The following DNAH5 variants were observed in gnomAD, a reference collection of about 807,000 sequenced individuals.
The protein encoded by DNAH5 is axonemal beta dynein heavy chain 5.
DNAH5 carries 372 observed loss-of-function variants against 518.2 expected under a neutral mutation model. The ratio of observed to expected loss-of-function variants is 0.72; its 90% CI spans 0.66 to 0.78. The LOEUF (loss-of-function observed/expected upper bound fraction) is 0.78. DNAH5 is among the 30% of genes least tolerant of loss of function. The pLI is 0.00. For synonymous variants in DNAH5, 2,039 were observed against 2,025.9 expected (o/e 1.01, Z -0.17); for missense variants, 5,523 against 5,687.0 (o/e 0.97, Z 0.93).
intron 68 of DNAH5, among the ~76,000 whole-genome samples, chr5:13,732,533 A>AT (rs552074864): frequency 1.3e-5 from 2 of 151,694 alleles, no homozygotes; most frequent in East Asian, 1.9e-4. Flanking sequence ...CTCCTGGCTA[A>AT]TTTTTTTTGT....
intron 75 of DNAH5, among the ~76,000 whole-genome samples, chr5:13,714,151 T>G (rs1422934705): frequency 6.6e-6 from 1 of 152,188 alleles, no homozygotes; most frequent in African/African-American, 2.4e-5. Context: ...TCCTAATCCA[T>G]CAGTACACAC....
chr5:13,712,129 A>T (rs561772771), intron 75 of DNAH5, among the ~76,000 whole-genome samples: 1 of 152,296 alleles, frequency 6.6e-6, no homozygotes, highest in South Asian at 2.1e-4. Flanking sequence ...AGGCACATAG[A>T]CCAACTGAAT....
chr5:13,713,460 T>C (rs938156077), intron 75 of DNAH5, among the ~76,000 whole-genome samples: 3 of 131,638 alleles, frequency 2.3e-5, no homozygotes, highest in African/African-American at 6.3e-5. Context: ...TATATATATA[T>C]ATATATACAC....
At chr5:13,699,744 C>A (rs1741836621) in intron 78 of DNAH5, among the ~76,000 whole-genome samples, 1 of 152,104 alleles carries the variant, frequency 6.6e-6, no homozygotes, top group South Asian at 2.1e-4. Context: ...ACTTGTAGTT[C>A]ATAAATTATT....
chr5:13,735,391 TTTAA>T (rs1747242697), intron 67 of DNAH5, 70 bp from the exon 68 acceptor site: 1 of 1,445,444 alleles, frequency 6.9e-7, no homozygotes, highest in Non-Finnish European at 9.6e-7. Context: ...AACAATTGTC[TTTAA>T]TGGAAAATAA....
intron 4 of DNAH5, 121 bp from the exon 5 acceptor site, chr5:13,922,449 A>G (rs1233425532): frequency 9.4e-7 from 1 of 1,069,042 alleles, no homozygotes; most frequent in East Asian, 2.6e-5. Context: ...AGTTTGTGCC[A>G]GGTGTGGTGG....
At chr5:13,833,945 G>A (rs896971434) in intron 35 of DNAH5, among the ~76,000 whole-genome samples, 1 of 152,218 alleles carries the variant, frequency 6.6e-6, no homozygotes, top group African/African-American at 2.4e-5. Context: ...TGCCCCAGCT[G>A]TTAAATTCAC....
intron 53 of DNAH5, among the ~76,000 whole-genome samples, chr5:13,778,555 A>AAAGG (rs1754501936): frequency 1.6e-5 from 1 of 62,898 alleles, no homozygotes; most frequent in African/African-American, 6.1e-5. Context: ...AGAAAGAAAG[A>AAAGG]AAGAAAGAAA....
At chr5:13,961,483 A>G (rs1028942741) in intron 1 of DNAH5, among the ~76,000 whole-genome samples, 2 of 152,010 alleles carry the variant, frequency 1.3e-5, no homozygotes, top group African/African-American at 4.8e-5. Context: ...ATCTCTATTA[A>G]AAATACAAAA....
At position 13,753,472 on chromosome 5, in the gene DNAH5, CA is replaced by C; in HGVS notation, c.10632del (p.Asn3544LysfsTer7). 1 of 1,614,062 alleles carries C rather than the reference CA, an allele frequency of 6.2e-7. No individual in the cohort carries two copies. The highest frequency in any genetic ancestry group is 8.5e-7 in the Non-Finnish European group (1 of 1,179,958). On this transcript the variant is annotated frameshift_variant, in exon 63 of 79. Transcript: ENST00000265104. LOFTEE classifies it high-confidence loss of function. Reference protein sequence around the residue: ...FNQEFRDLLLNDWRKEMKARK... With the variant: ...FNQEFRDLLLXDWRKEMKARK... ...CGGGCTTTCATTTCCTTCCGCCAGTCATTTAACAGAAGATCACGAAACTCTT... is the reference window on the plus strand; with the variant it reads ...CGGGCTTTCATTTCCTTCCGCCAGTCTTTAACAGAAGATCACGAAACTCTT...
chr5:13,841,419 A>C (rs1039680190), intron 33 of DNAH5, among the ~76,000 whole-genome samples: 3 of 152,176 alleles, frequency 2.0e-5, no homozygotes, highest in Admixed American at 6.5e-5. Context: ...ACATTGTTAC[A>C]TCAAAAGATT....
At chr5:13,705,203 C>T (rs942549849) in intron 76 of DNAH5, among the ~76,000 whole-genome samples, 3 of 152,070 alleles carry the variant, frequency 2.0e-5, no homozygotes, top group Non-Finnish European at 4.4e-5. Context: ...ACCGTGCTAG[C>T]CAGGATGGTC....
At chr5:13,736,984 C>T (rs1445160046) in intron 66 of DNAH5, among the ~76,000 whole-genome samples, 1 of 152,134 alleles carries the variant, frequency 6.6e-6, no homozygotes, top group East Asian at 1.9e-4. Context: ...TAAAATTCTC[C>T]TTCTTTACTT....
chr5:13,926,783 G>A (rs1221604843), intron 3 of DNAH5, among the ~76,000 whole-genome samples: 6 of 152,146 alleles, frequency 3.9e-5, no homozygotes, highest in African/African-American at 4.8e-5. Flanking sequence ...TAAAATTTAC[G>A]CAGAAGGCCA....
chr5:13,879,744 A>G (rs1771385101), intron 21 of DNAH5, among the ~76,000 whole-genome samples: 1 of 152,088 alleles, frequency 6.6e-6, no homozygotes, highest in African/African-American at 2.4e-5. Context: ...GAGGTCACTG[A>G]AAATCATCCA....
Position 13,736,391 on chromosome 5 carries a change from AATTATT to A in DNAH5, c.11456-465_11456-460del, listed in dbSNP as rs143406311. Among the ~76,000 whole-genome samples the A allele has an allele frequency of 2.6e-5, 4 of 151,960 alleles. No individual in the cohort carries two copies. The East Asian group carries it at 7.7e-4, about 29-fold the overall frequency. On this transcript the variant is annotated intron_variant, in intron 66 of 78. Transcript: ENST00000265104. ...CCTCTCTAACAATAAACGACACTTT[AATTATT>A]ATTATTATTTTGTTGATACGGAGTT...
At chr5:13,731,139 T>C (rs1009535826) in intron 68 of DNAH5, among the ~76,000 whole-genome samples, 7 of 152,252 alleles carry the variant, frequency 4.6e-5, no homozygotes, top group South Asian at 2.1e-4. Context: ...CCAGGCACCA[T>C]GTACACTACT....
At chr5:13,901,715 T>C (rs1298623742) in intron 13 of DNAH5, 142 bp from the exon 14 acceptor site, 15 of 625,522 alleles carry the variant, frequency 2.4e-5, no homozygotes, top group Non-Finnish European at 3.3e-5. Flanking sequence ...ACATGGAATA[T>C]TAAAAGAATA....
intron 1 of DNAH5, among the ~76,000 whole-genome samples, chr5:14,003,350 A>C (rs915543091): frequency 1.3e-5 from 2 of 152,190 alleles, no homozygotes; most frequent in African/African-American, 4.8e-5. Flanking sequence ...ATGGATGTGC[A>C]TTTTTCATCC....
Sources: gnomAD v4.1 joint callset for allele counts (sites outside exome capture counted in the v4.1 genomes callset) on GRCh38, gnomAD v4.1.1 for gene constraint, MANE v1.5 for transcripts, NCBI Gene and HGNC (gene_info 2026-07-23, HGNC 2026-07-21) for gene names.